AGBL4: variants seen among roughly 807,000 people sequenced by gnomAD.
AGBL4 encodes the protein cytosolic carboxypeptidase 6.
AGBL4 carries 58 observed loss-of-function variants against 66.4 expected under a neutral mutation model. The ratio of observed to expected loss-of-function variants is 0.87; its 90% CI spans 0.71 to 1.09. AGBL4 has a LOEUF of 1.09. Ranked by LOEUF, AGBL4 falls within the 50% of genes least tolerant of loss-of-function variation. AGBL4 has a pLI of 0.00. For synonymous variants in AGBL4, 234 were observed against 222.9 expected, an observed-to-expected ratio of 1.05 and a Z score of -0.44; for missense variants, 579 against 631.0, an observed-to-expected ratio of 0.92 and a Z score of 0.88.
intron 3 of AGBL4, among the ~76,000 whole-genome samples, chr1:49,562,603 A>G (rs1268558360): frequency 6.6e-6 from 1 of 152,136 alleles, no homozygotes; most frequent in East Asian, 1.9e-4. Context: ...AGGTTTGTCA[A>G]AGATCAGATA....
intron 6 of AGBL4, chr1:48,761,130 C>A: frequency 1.8e-6 from 1 of 546,324 alleles, no homozygotes; most frequent in East Asian, 3.2e-5. Flanking sequence ...AGCTTGGTGG[C>A]ACAGCATGAA....
intron 5 of AGBL4, among the ~76,000 whole-genome samples, chr1:48,912,340 G>C (rs1245587682): frequency 6.6e-6 from 1 of 152,194 alleles, no homozygotes; most frequent in African/African-American, 2.4e-5. Context: ...ATCCCATTGA[G>C]CACAAGCCAT....
At position 49,535,861 on chromosome 1, in the gene AGBL4, T is replaced by G. The variant is rs1217072615; in HGVS notation, c.282+161452A>C. 2.0e-5 allele frequency among the ~76,000 whole-genome samples: 3 copies of G among 152,250 alleles called. No individual in the cohort carries two copies. In the East Asian group the frequency reaches 5.8e-4, roughly 29 times the overall value. On this transcript the variant is annotated intron_variant, in intron 3 of 13. Coordinates refer to ENST00000371839, the MANE Select transcript of AGBL4 (RefSeq NM_032785.4). ...TGCCTGCCACCACACCCGGCTAATT[T>G]TTTGTATTTTTAGTAGAGACGGGGT...
chr1:48,971,173 G>A (rs759710802), intron 5 of AGBL4, among the ~76,000 whole-genome samples: 14 of 152,158 alleles, frequency 9.2e-5, no homozygotes, highest in Admixed American at 3.9e-4. Context: ...TACAGCAGGA[G>A]GTGAGCAGTG....
intron 8 of AGBL4, among the ~76,000 whole-genome samples, chr1:48,636,336 G>C (rs767176736): frequency 4.6e-5 from 7 of 152,236 alleles, no homozygotes; most frequent in Non-Finnish European, 7.3e-5. Context: ...AAGTGCAGCA[G>C]TAGCTAACAT....
At chr1:49,283,639 T>A (rs1644333817) in intron 3 of AGBL4, among the ~76,000 whole-genome samples, 1 of 151,228 alleles carries the variant, frequency 6.6e-6, no homozygotes, top group Non-Finnish European at 1.5e-5. Flanking sequence ...TAGAAGAATG[T>A]ATAACTAGAA....
At chr1:49,950,163 C>T (rs999223866) in intron 1 of AGBL4, among the ~76,000 whole-genome samples, 9 of 142,348 alleles carry the variant, frequency 6.3e-5, no homozygotes, top group African/African-American at 1.0e-4. Flanking sequence ...TATATACACA[C>T]ATATATATAT....
intron 2 of AGBL4, among the ~76,000 whole-genome samples, chr1:49,770,448 A>G (rs1300227789): frequency 1.3e-5 from 2 of 151,998 alleles, no homozygotes; most frequent in Non-Finnish European, 2.9e-5. Context: ...TAATTTTTGC[A>G]TCCATGTTCA....
intron 2 of AGBL4, among the ~76,000 whole-genome samples, chr1:49,739,948 A>G (rs1364112546): frequency 1.3e-5 from 2 of 152,244 alleles, no homozygotes; most frequent in Non-Finnish European, 2.9e-5. Context: ...CCGCAAAAAC[A>G]TGTCGAATTC....
At chr1:49,183,888 C>T (rs1411499762) in intron 4 of AGBL4, among the ~76,000 whole-genome samples, 1 of 152,124 alleles carries the variant, frequency 6.6e-6, no homozygotes, top group East Asian at 1.9e-4. Flanking sequence ...TGTGGTAGAC[C>T]TTTGGCTTTT....
chr1:49,121,558 G>C (rs986231616), intron 4 of AGBL4, among the ~76,000 whole-genome samples: 1 of 152,166 alleles, frequency 6.6e-6, no homozygotes, highest in African/African-American at 2.4e-5. Flanking sequence ...AAATACTGCT[G>C]CCTGATCCTT....
At chr1:48,766,078 C>T (rs961901128) in intron 6 of AGBL4, among the ~76,000 whole-genome samples, 1 of 152,136 alleles carries the variant, frequency 6.6e-6, no homozygotes, top group African/African-American at 2.4e-5. Context: ...GTAAAATTCA[C>T]ATTGAATGAA....
chr1:49,014,951 C>T (rs988757246), intron 5 of AGBL4, among the ~76,000 whole-genome samples: 5 of 152,190 alleles, frequency 3.3e-5, no homozygotes, highest in African/African-American at 1.2e-4. Context: ...TGAGATAACA[C>T]TGCTTCTTAC....
chr1:49,514,170 G>T (rs958484412), intron 3 of AGBL4, among the ~76,000 whole-genome samples: 10 of 151,848 alleles, frequency 6.6e-5, no homozygotes, highest in African/African-American at 2.4e-4. Context: ...TGCAAACAGG[G>T]ACAATTTGAC....
chr1:49,649,287 A>C (rs566580450), intron 3 of AGBL4, among the ~76,000 whole-genome samples: 77 of 152,282 alleles, frequency 5.1e-4, no homozygotes, highest in Middle Eastern at 6.8e-3. Context: ...GATATATAAA[A>C]ATTTAATGCC....
At chr1:50,012,181 A>AG (rs1466409905) in intron 1 of AGBL4, among the ~76,000 whole-genome samples, 2 of 151,800 alleles carry the variant, frequency 1.3e-5, no homozygotes, top group African/African-American at 4.8e-5. Flanking sequence ...AAAAAAAAAA[A>AG]AAAAAGAATG....
At chr1:48,591,768 C>T (rs1280587305) in intron 9 of AGBL4, among the ~76,000 whole-genome samples, 1 of 152,170 alleles carries the variant, frequency 6.6e-6, no homozygotes, top group Non-Finnish European at 1.5e-5. Context: ...AATGCCTTTG[C>T]AGTCTGTAAA....
intron 5 of AGBL4, among the ~76,000 whole-genome samples, chr1:48,912,908 G>C (rs1215831076): frequency 6.6e-6 from 1 of 152,156 alleles, no homozygotes; most frequent in African/African-American, 2.4e-5. Context: ...ATAAGAGTCA[G>C]TGAAAGTGTC....
intron 2 of AGBL4, among the ~76,000 whole-genome samples, chr1:49,703,526 A>T (rs80226460): frequency 2.1e-5 from 3 of 144,342 alleles, no homozygotes; most frequent in Admixed American, 7.0e-5. Flanking sequence ...ATTCATGATT[A>T]AAAAAAAAAA....
Sources: allele counts gnomAD v4.1 joint callset (sites outside exome capture counted in the v4.1 genomes callset), GRCh38; gene constraint gnomAD v4.1.1; transcripts MANE v1.5; gene names NCBI Gene and HGNC (gene_info 2026-07-23, HGNC 2026-07-21).